The following SLC17A1 variants were observed in gnomAD, a reference collection of about 807,000 sequenced individuals.
The protein encoded by SLC17A1 is sodium-dependent phosphate transport protein 1.
In SLC17A1, 51 loss-of-function variants were observed where a neutral mutation model predicts 53.5. The observed-to-expected ratio is 0.95, with a 90% CI of 0.76 to 1.20. The LOEUF (loss-of-function observed/expected upper bound fraction) is 1.20. SLC17A1 is among the 50% of genes most tolerant of loss of function. SLC17A1 has a pLI of 0.00. For synonymous variants in SLC17A1, 179 were observed against 198.8 expected (o/e 0.90, Z 0.84); for missense variants, 538 against 568.2 (o/e 0.95, Z 0.54).
At chr6:25,786,724 C>G (rs1229919173) in intron 12 of SLC17A1, among the ~76,000 whole-genome samples, 2 of 152,146 alleles carry the variant, frequency 1.3e-5, no homozygotes, top group Admixed American at 6.5e-5. Context: ...CCAAACAAGC[C>G]AGAAATTTCC....
chr6:25,792,096 G>C (rs1343907766), intron 12 of SLC17A1, among the ~76,000 whole-genome samples: 1 of 152,168 alleles, frequency 6.6e-6, no homozygotes, highest in African/African-American at 2.4e-5. Context: ...TTTCTGACCA[G>C]GTAGGAGTCA....
intron 2 of SLC17A1, among the ~76,000 whole-genome samples, chr6:25,828,033 C>T (rs1292819352): frequency 6.6e-6 from 1 of 152,068 alleles, no homozygotes; most frequent in Non-Finnish European, 1.5e-5. Context: ...TTAATCCCTC[C>T]TAGGGCACAA....
At chr6:25,811,305 G>A in intron 10 of SLC17A1, 93 bp downstream of exon 10, 2 of 1,341,946 alleles carry the variant, frequency 1.5e-6, no homozygotes, top group Non-Finnish European at 2.0e-6. Flanking sequence ...ATTCCACAAA[G>A]TATCCATATT....
chr6:25,830,787 G>T (rs1764918634), intron 1 of SLC17A1, among the ~76,000 whole-genome samples, 180 bp from the exon 2 acceptor site: 1 of 152,044 alleles, frequency 6.6e-6, no homozygotes, highest in Admixed American at 6.6e-5. Context: ...TGATTGTTTT[G>T]GTTGATTAAA....
chr6:25,825,336 C>A (rs1764704071), intron 3 of SLC17A1, among the ~76,000 whole-genome samples: 1 of 151,902 alleles, frequency 6.6e-6, no homozygotes, highest in Non-Finnish European at 1.5e-5. Flanking sequence ...AATTGAAAGA[C>A]AATAAAGGCT....
intron 3 of SLC17A1, among the ~76,000 whole-genome samples, chr6:25,823,891 A>G (rs528631759): frequency 1.6e-4 from 25 of 152,036 alleles, no homozygotes; most frequent in Admixed American, 1.6e-3. Flanking sequence ...CTAATTCTAC[A>G]CTGTCGTTAT....
intron 12 of SLC17A1, among the ~76,000 whole-genome samples, chr6:25,792,401 G>A (rs982995838): frequency 6.6e-6 from 1 of 152,200 alleles, no homozygotes; most frequent in Non-Finnish European, 1.5e-5. Flanking sequence ...GCCAAGGCAG[G>A]CGAATCACTT....
chr6:25,770,268 A>C, the SLC17A1 span: 1 of 1,614,042 alleles, frequency 6.2e-7, no homozygotes, highest in Non-Finnish European at 8.5e-7. Flanking sequence ...GGCCTTGCTC[A>C]TTGTCCTCCG....
intron 11 of SLC17A1, 134 bp from the exon 12 acceptor site, chr6:25,799,053 G>T (rs1020413916): frequency 7.5e-6 from 5 of 670,244 alleles, no homozygotes; most frequent in Non-Finnish European, 1.1e-5. Flanking sequence ...ATACATAGCC[G>T]AAAACGTCAT....
At chr6:25,788,281 A>G (rs1055300106) in intron 12 of SLC17A1, among the ~76,000 whole-genome samples, 4 of 152,188 alleles carry the variant, frequency 2.6e-5, no homozygotes, top group Non-Finnish European at 4.4e-5. Flanking sequence ...TTAAATCTAA[A>G]CAGCAAATAA....
chr6:25,727,392 C>T, the SLC17A1 span: 8 of 1,058,500 alleles, frequency 7.6e-6, no homozygotes, highest in Admixed American at 3.2e-5. Flanking sequence ...AGTTTCTAAC[C>T]GTAAGGGTTT....
chr6:25,778,771 C>T (rs887037266), downstream of SLC17A1, among the ~76,000 whole-genome samples: 9 of 152,152 alleles, frequency 5.9e-5, no homozygotes, highest in Admixed American at 5.2e-4. Flanking sequence ...GAAGGACTCA[C>T]CGTAATCACT....
At chr6:25,821,209 T>A (rs930580478) in intron 3 of SLC17A1, among the ~76,000 whole-genome samples, 1 of 152,210 alleles carries the variant, frequency 6.6e-6, no homozygotes, top group African/African-American at 2.4e-5. Flanking sequence ...TCCATATGTT[T>A]GTTGTCATCA....
chr6:25,780,178 G>A (rs1763229886), downstream of SLC17A1: 1 of 152,182 alleles, frequency 6.6e-6, no homozygotes, highest in East Asian at 1.9e-4. Flanking sequence ...TCATAAGATA[G>A]CAAAACCATT....
At chr6:25,731,687 T>A in the SLC17A1 span, 8 of 839,330 alleles carry the variant, frequency 9.5e-6, no homozygotes, top group Admixed American at 6.0e-5. Flanking sequence ...GCATACTCTA[T>A]AATAAAATAA....
chr6:25,784,795 A>G (rs1341110618), intron 12 of SLC17A1, among the ~76,000 whole-genome samples: 2 of 152,178 alleles, frequency 1.3e-5, no homozygotes, highest in African/African-American at 4.8e-5. Context: ...GAGAGTGTAG[A>G]TGAAGAAAGG....
chr6:25,742,474 T>C, the SLC17A1 span, among the ~76,000 whole-genome samples: 10 of 141,620 alleles, frequency 7.1e-5, no homozygotes, highest in African/African-American at 2.7e-4. Flanking sequence ...GGGCAACATA[T>C]TGAAATGCTG....
intron 10 of SLC17A1, among the ~76,000 whole-genome samples, chr6:25,803,473 G>T (rs903941310): frequency 6.6e-6 from 1 of 152,068 alleles, no homozygotes; most frequent in African/African-American, 2.4e-5. Flanking sequence ...ACCCCACAAG[G>T]TACAATGTGA....
At chr6:25,806,089 G>T (rs1217586667) in intron 10 of SLC17A1, among the ~76,000 whole-genome samples, 1 of 151,966 alleles carries the variant, frequency 6.6e-6, no homozygotes, top group Non-Finnish European at 1.5e-5. Flanking sequence ...GAAAAGTATA[G>T]ATCAATATCC....
Sources: gnomAD v4.1 joint callset for allele counts (sites outside exome capture counted in the v4.1 genomes callset) on GRCh38, gnomAD v4.1.1 for gene constraint, MANE v1.5 for transcripts, NCBI Gene and HGNC (gene_info 2026-07-23, HGNC 2026-07-21) for gene names.